Variants in SPECC1L observed in about 807,000 individuals in gnomAD.
The protein encoded by SPECC1L is sperm antigen with calponin homology and coiled-coil domains 1 like, also known as cytospin-A.
Under a neutral mutation model 116.8 loss-of-function variants are expected in SPECC1L, and 40 were observed. The observed-to-expected ratio is 0.34, with a 90% CI of 0.27 to 0.45. SPECC1L has a LOEUF of 0.45. Ranked by LOEUF, SPECC1L falls within the 20% of genes least tolerant of loss-of-function variation. SPECC1L has a pLI of 1.00. For synonymous variants in SPECC1L, 504 were observed against 500.6 expected (o/e 1.01, Z -0.09); for missense variants, 1,110 against 1,373.6 (o/e 0.81, Z 3.03).
chr22:24,376,591 G>T (rs2041975963), intron 14 of SPECC1L, among the ~76,000 whole-genome samples: 1 of 152,136 alleles, frequency 6.6e-6, no homozygotes, highest in African/African-American at 2.4e-5. Context: ...GACATACCTT[G>T]TTCATGGATT....
intron 3 of SPECC1L, among the ~76,000 whole-genome samples, chr22:24,308,636 T>G (rs2146426935): frequency 7.0e-6 from 1 of 142,716 alleles, no homozygotes; most frequent in East Asian, 2.1e-4. Flanking sequence ...ACTTTGAAAC[T>G]TTGTACATAT....
chr22:24,409,753 G>T (rs888697260), intron 14 of SPECC1L, among the ~76,000 whole-genome samples: 2 of 152,232 alleles, frequency 1.3e-5, no homozygotes, highest in Non-Finnish European at 2.9e-5. Flanking sequence ...TCAAGGCTGG[G>T]TACAGTGGCT....
intron 3 of SPECC1L, among the ~76,000 whole-genome samples, chr22:24,303,020 G>T (rs2049413358): frequency 6.8e-6 from 1 of 147,132 alleles, no homozygotes; most frequent in African/African-American, 2.7e-5. Flanking sequence ...TTTTTAAATA[G>T]ATGAGATCTA....
At position 24,327,297 on chromosome 22, in the gene SPECC1L, A is replaced by C. The variant is rs1465685950; in HGVS notation, c.2147-1549A>C. 5.3e-5 allele frequency among the ~76,000 whole-genome samples: 8 copies of C among 150,814 alleles called. No homozygotes were observed. The South Asian group carries it at 1.0e-3, about 20-fold the overall frequency. On this transcript the variant is annotated intron_variant, in intron 6 of 16. Transcript: ENST00000314328. The stretch of plus-strand genomic sequence containing the variant: ...CGTCTCAAAAAAAAAAAAAAAAAAA[A>C]AAAAACATCAGAACACACATATACC...
At chr22:24,374,922 T>TA (rs1269106635) in intron 14 of SPECC1L, among the ~76,000 whole-genome samples, 1 of 151,486 alleles carries the variant, frequency 6.6e-6, no homozygotes, top group Non-Finnish European at 1.5e-5. Context: ...TTTGAAAAGA[T>TA]AAACAAATTG....
At chr22:24,356,650 C>T (rs548104533) in intron 11 of SPECC1L, among the ~76,000 whole-genome samples, 2 of 152,134 alleles carry the variant, frequency 1.3e-5, no homozygotes, top group African/African-American at 2.4e-5. Context: ...AGACCATTCT[C>T]GTTTAATATG....
At chr22:24,286,311 A>G (rs1306247564) in intron 2 of SPECC1L, among the ~76,000 whole-genome samples, 1 of 152,176 alleles carries the variant, frequency 6.6e-6, no homozygotes, top group African/African-American at 2.4e-5. Flanking sequence ...ATGAGAATGA[A>G]ATATTGGGAA....
At chr22:24,349,530 A>C (rs2082733) in intron 11 of SPECC1L, among the ~76,000 whole-genome samples, 120,359 of 152,170 alleles carry the variant, frequency 0.79, 48,465 homozygotes, top group African/African-American at 0.95. Flanking sequence ...GTTCGTGTAT[A>C]CAGTTGCCTA....
In SPECC1L at chr22:24,322,560, A is replaced by T. The variant is rs200330782; in HGVS notation, c.1580A>T (p.Asn527Ile). The change falls in exon 5 of 17, where the codon AAT becomes ATT. Residue 527 changes from asparagine (N) to isoleucine (I), a missense_variant. Physicochemically the swap from Asn to Ile is moderately radical, Grantham distance 149. Coordinates refer to ENST00000314328, the MANE Select transcript of SPECC1L (RefSeq NM_015330.6). ...SNTLKMAEQD[N>I]KEAQEMIGAL... ...ACTTTGAAAATGGCAGAACAAGACA[A>T]TAAGGAAGCTCAAGAAATGATAGGG... The T allele has an allele frequency of 7.5e-5, 121 of 1,614,102 alleles. No individual in the cohort carries two copies. The highest frequency in any genetic ancestry group is 1.6e-4 in the Middle Eastern group (1 of 6,084).
At chr22:24,327,706 C>A (rs1601560808) in intron 6 of SPECC1L, among the ~76,000 whole-genome samples, 3 of 152,200 alleles carry the variant, frequency 2.0e-5, no homozygotes, top group Admixed American at 2.0e-4. Flanking sequence ...ATTACTGCTA[C>A]CATTAGCTGG....
chr22:24,281,567 T>C (rs2048943142), intron 2 of SPECC1L, among the ~76,000 whole-genome samples: 1 of 152,256 alleles, frequency 6.6e-6, no homozygotes, highest in African/African-American at 2.4e-5. Flanking sequence ...ATTTCATATA[T>C]TTTGATACTG....
At chr22:24,336,814 C>G (rs2041069896) in intron 9 of SPECC1L, among the ~76,000 whole-genome samples, 1 of 152,126 alleles carries the variant, frequency 6.6e-6, no homozygotes, top group African/African-American at 2.4e-5. Context: ...GATAATCAGA[C>G]AAATACAGTC....
chr22:24,316,734 C>G (rs1482821897), intron 4 of SPECC1L, among the ~76,000 whole-genome samples: 1 of 149,904 alleles, frequency 6.7e-6, no homozygotes, highest in African/African-American at 2.5e-5. Context: ...CACCTTTCCC[C>G]CCTTTCTATT....
chr22:24,409,221 C>G (rs1008436758), intron 14 of SPECC1L, among the ~76,000 whole-genome samples: 1 of 152,114 alleles, frequency 6.6e-6, no homozygotes, highest in Admixed American at 6.6e-5. Flanking sequence ...AAGTGCTCCC[C>G]AGGAGCTGGA....
chr22:24,382,162 C>G (rs1377606479), intron 14 of SPECC1L, among the ~76,000 whole-genome samples: 2 of 152,058 alleles, frequency 1.3e-5, no homozygotes, highest in Admixed American at 1.3e-4. Flanking sequence ...GGGGACTAAC[C>G]AAGGCAGCCA....
At chr22:24,285,019 G>C (rs2049014782) in intron 2 of SPECC1L, among the ~76,000 whole-genome samples, 1 of 152,184 alleles carries the variant, frequency 6.6e-6, no homozygotes, top group African/African-American at 2.4e-5. Context: ...GTAAAAGAAA[G>C]CTGTGTTGAA....
intron 2 of SPECC1L, among the ~76,000 whole-genome samples, chr22:24,286,403 C>T (rs1025557836): frequency 6.6e-6 from 1 of 152,162 alleles, no homozygotes; most frequent in Non-Finnish European, 1.5e-5. Flanking sequence ...CATGTAATTA[C>T]ACTTTATTGC....
chr22:24,406,078 C>T (rs1463163228), intron 14 of SPECC1L, among the ~76,000 whole-genome samples: 1 of 152,100 alleles, frequency 6.6e-6, no homozygotes, highest in African/African-American at 2.4e-5. Flanking sequence ...CCAAGAACAT[C>T]CAGGGTGATT....
intron 14 of SPECC1L, among the ~76,000 whole-genome samples, chr22:24,374,854 T>A (rs2041941339): frequency 6.9e-6 from 1 of 145,096 alleles, no homozygotes; most frequent in Non-Finnish European, 1.5e-5. Flanking sequence ...AGAGCCAAAA[T>A]AAATAAAATA....
Sources: gnomAD v4.1 joint callset for allele counts (sites outside exome capture counted in the v4.1 genomes callset) on GRCh38, gnomAD v4.1.1 for gene constraint, MANE v1.5 for transcripts, NCBI Gene and HGNC (gene_info 2026-07-23, HGNC 2026-07-21) for gene names.